Variants in MYO18B observed in about 807,000 individuals in gnomAD.
MYO18B encodes the protein myosin XVIIIB.
A neutral mutation model predicts 273.0 loss-of-function variants in MYO18B; 204 were observed. The ratio of observed to expected loss-of-function variants is 0.75; its 90% CI spans 0.67 to 0.84. The LOEUF is 0.84. Among genes scored for constraint, MYO18B ranks in the 40% least tolerant of loss-of-function variants. MYO18B has a pLI of 0.00. For synonymous variants in MYO18B, 1,330 were observed against 1,305.7 expected (o/e 1.02, Z -0.40); for missense variants, 3,212 against 3,287.6 (o/e 0.98, Z 0.56).
chr22:25,921,185 C>G, intron 33 of MYO18B, 72 bp from the exon 34 acceptor site: 1 of 1,463,400 alleles, frequency 6.8e-7, no homozygotes, highest in South Asian at 1.3e-5. Context: ...ACCAGGGAAC[C>G]TGATTCCGGA....
chr22:26,042,194 G>C, the MYO18B span, among the ~76,000 whole-genome samples: 2 of 152,220 alleles, frequency 1.3e-5, no homozygotes, highest in Non-Finnish European at 2.9e-5. Context: ...TTCAATGCCA[G>C]CCTTTTCAGA....
At chr22:25,758,201 A>T (rs947779829) in intron 1 of MYO18B, among the ~76,000 whole-genome samples, 2 of 152,098 alleles carry the variant, frequency 1.3e-5, no homozygotes, top group African/African-American at 4.8e-5. Flanking sequence ...TTTAGTAGAG[A>T]CAGGGTTTCC....
intron 17 of MYO18B, among the ~76,000 whole-genome samples, chr22:25,838,777 G>T (rs770743748): frequency 9.9e-5 from 15 of 152,000 alleles, no homozygotes; most frequent in Non-Finnish European, 1.8e-4. Context: ...TAACGATGCA[G>T]TTCTTAGAAC....
rs1291598907 is a variant in MYO18B, at chr22:25,890,869, G to A, written c.4428G>A (p.Glu1476=). Residue 1476 remains glutamate (E), a synonymous_variant, in exon 26 of 44, where the codon GAG becomes GAA. Transcript: ENST00000335473. The part of the protein sequence containing the change: ...ERLQAFREVQ[E]LKSKHEQVQK... ...TACAGGCCTTCCGGGAGGTCCAGGA[G>A]CTCAAGGTGAGTGGTCAGGGGTGGC... The A allele has an allele frequency of 6.2e-7, 1 of 1,613,498 alleles. No homozygotes were observed. The highest frequency in any genetic ancestry group is 8.5e-7 in the Non-Finnish European group (1 of 1,179,758).
chr22:25,947,542 A>ACCC (rs1555960119), intron 35 of MYO18B, among the ~76,000 whole-genome samples, 170 bp from the exon 36 acceptor site: 1 of 140,120 alleles, frequency 7.1e-6, no homozygotes, highest in African/African-American at 2.9e-5. Flanking sequence ...ACACACACAC[A>ACCC]CCAAGCTGTT....
At chr22:25,855,285 C>CTTGT (rs2090534603) in intron 21 of MYO18B, among the ~76,000 whole-genome samples, 1 of 132,350 alleles carries the variant, frequency 7.6e-6, no homozygotes, top group Admixed American at 7.9e-5. Flanking sequence ...TTATCTCATT[C>CTTGT]TTTTTTTTTT....
intron 30 of MYO18B, 52 bp from the exon 31 acceptor site, chr22:25,903,579 G>A: frequency 6.6e-7 from 1 of 1,526,242 alleles, no homozygotes; most frequent in East Asian, 2.4e-5. Flanking sequence ...CCTGGGGGAG[G>A]AGGGAGGCAT....
intron 12 of MYO18B, among the ~76,000 whole-genome samples, chr22:25,821,303 CTT>C (rs59356967): frequency 1.9e-4 from 28 of 144,514 alleles, no homozygotes; most frequent in Admixed American, 2.8e-4. Flanking sequence ...CTAAGAGTTC[CTT>C]TTTTTTTTTT....
chr22:25,898,339 C>T lies in MYO18B; in HGVS notation c.4701C>T (p.Ala1567=), dbSNP rs1053232975. The change falls in exon 29 of 44, where the codon GCC becomes GCT. Residue 1567 remains alanine (A), a synonymous_variant. Coordinates refer to ENST00000335473, the MANE Select transcript of MYO18B (RefSeq NM_032608.7). ...AGTTGCAAAGTGCTTATGACGGGGC[C>T]AAGAAGATGGCTCACCAACTGAAGA... ...LGELQSAYDG[A]KKMAHQLKRK... is the part of the protein sequence containing the mutation. 1.7e-5 allele frequency: 28 copies of T among 1,613,776 alleles called. No individual in the cohort carries two copies. Among genetic ancestry groups the T allele is most frequent in the Non-Finnish European group, 2.4e-5 (28 of 1,179,850 alleles).
the MYO18B span, among the ~76,000 whole-genome samples, chr22:26,039,866 C>G: frequency 6.6e-6 from 1 of 152,070 alleles, no homozygotes; most frequent in Non-Finnish European, 1.5e-5. Context: ...ACTGTATTGC[C>G]CAGGCTGGAG....
the MYO18B span, among the ~76,000 whole-genome samples, chr22:26,044,172 GTTGC>G: frequency 6.6e-6 from 1 of 152,144 alleles, no homozygotes; most frequent in African/African-American, 2.4e-5. Flanking sequence ...TGTTAATTGA[GTTGC>G]TTGTTTTTTA....
Position 25,768,775 on chromosome 22 carries a change from G to A in MYO18B, c.859G>A (p.Ala287Thr), listed in dbSNP as rs1174216287. ...ACCAGGGAAAGCAGAGAAGGAGGGA[G>A]CAGAGCCCACAAACACGGTGGAAAA... ...VRPGKAEKEG[A>T]EPTNTVEKGN... The change falls in exon 4 of 44, where the codon GCA becomes ACA. Residue 287 changes from alanine (A) to threonine (T), a missense_variant. Ala to Thr is a moderately conservative substitution (Grantham distance 58). Coordinates refer to ENST00000335473, the MANE Select transcript of MYO18B (RefSeq NM_032608.7). 3 of 1,608,678 alleles carry A rather than the reference G, an allele frequency of 1.9e-6. No individual in the cohort carries two copies. The highest frequency in any genetic ancestry group is 2.5e-6 in the Non-Finnish European group (3 of 1,177,430).
intron 34 of MYO18B, among the ~76,000 whole-genome samples, chr22:25,944,676 C>T (rs113670702): frequency 1.8e-3 from 274 of 152,092 alleles, no homozygotes; most frequent in African/African-American, 5.8e-3. Context: ...GATGAAACCC[C>T]GTCTCTACTA....
intron 34 of MYO18B, among the ~76,000 whole-genome samples, chr22:25,925,306 G>A (rs528100922): frequency 7.9e-5 from 12 of 152,090 alleles, no homozygotes; most frequent in African/African-American, 2.9e-4. Flanking sequence ...ACATGAAGGG[G>A]TTCTGGGGGG....
At chr22:25,784,650 G>A (rs1340950908) in intron 10 of MYO18B, among the ~76,000 whole-genome samples, 3 of 152,180 alleles carry the variant, frequency 2.0e-5, no homozygotes, top group Non-Finnish European at 4.4e-5. Flanking sequence ...TTGAACCAAC[G>A]TGGGATTGGG....
intron 8 of MYO18B, 147 bp from the exon 9 acceptor site, chr22:25,779,909 C>T: frequency 1.0e-6 from 1 of 957,710 alleles, no homozygotes; most frequent in Non-Finnish European, 1.5e-6. Context: ...GAGTGGGTGG[C>T]AGGAAGCTCA....
intron 39 of MYO18B, among the ~76,000 whole-genome samples, chr22:25,991,501 A>G (rs779039109): frequency 2.6e-5 from 4 of 152,184 alleles, no homozygotes; most frequent in Non-Finnish European, 5.9e-5. Flanking sequence ...GGTAACAATC[A>G]TTATGTGTTA....
intron 39 of MYO18B, among the ~76,000 whole-genome samples, chr22:25,990,535 A>G (rs1360505876): frequency 6.6e-6 from 1 of 151,790 alleles, no homozygotes; most frequent in Non-Finnish European, 1.5e-5. Context: ...AAAAATACAT[A>G]AATTAGCCAA....
intron 5 of MYO18B, 39 bp from the exon 6 acceptor site, chr22:25,770,833 C>G: frequency 1.4e-6 from 2 of 1,456,362 alleles, no homozygotes; most frequent in Non-Finnish European, 1.9e-6. Flanking sequence ...CCTCCCATCT[C>G]CTCCCCGTTC....
Sources: gnomAD v4.1 joint callset for allele counts (sites outside exome capture counted in the v4.1 genomes callset) on GRCh38, gnomAD v4.1.1 for gene constraint, MANE v1.5 for transcripts, NCBI Gene and HGNC (gene_info 2026-07-23, HGNC 2026-07-21) for gene names.